The following CNKSR2 variants were observed in gnomAD, a reference collection of about 807,000 sequenced individuals.
The protein encoded by CNKSR2 is connector enhancer of kinase suppressor of Ras 2.
CNKSR2 carries 14 observed loss-of-function variants against 84.4 expected under a neutral mutation model. The observed-to-expected ratio is 0.17, with a 90% CI of 0.11 to 0.26. The LOEUF (loss-of-function observed/expected upper bound fraction) is 0.26, where lower values mean the gene tolerates loss of function less well. Ranked by LOEUF, CNKSR2 falls within the 10% of genes least tolerant of loss-of-function variation. CNKSR2 has a pLI of 1.00. For synonymous variants in CNKSR2, 275 were observed against 277.9 expected, an observed-to-expected ratio of 0.99 and a Z score of 0.10; for missense variants, 485 against 771.2, an observed-to-expected ratio of 0.63 and a Z score of 4.40.
intron 20 of CNKSR2, among the ~76,000 whole-genome samples, chrX:21,624,890 A>G (rs1230294881): frequency 1.8e-5 from 2 of 112,460 alleles, no homozygotes; most frequent in Non-Finnish European, 3.8e-5. Context: ...ACATATTTCT[A>G]TATTATCCCC....
rs1396689379 is a variant in CNKSR2 at position 21,432,764 on chromosome X, A to G, written c.381A>G (p.Ser127=). Residue 127 remains serine, a synonymous_variant, in exon 3 of 22, where the codon TCA becomes TCG. Coordinates refer to ENST00000379510, the MANE Select transcript of CNKSR2 (RefSeq NM_014927.5). ...AATTGCCAAACGACTTTCTGACCTC[A>G]GTTGTGGATCTGATTGGAGCAGCCA... ...SRKLPNDFLT[S]VVDLIGAAKS... 1 of 1,210,896 alleles carries G rather than the reference A, an allele frequency of 8.3e-7. No individual in the cohort carries two copies. Among genetic ancestry groups the G allele is most frequent in the Non-Finnish European group, 1.1e-6 (1 of 895,216 alleles).
chrX:21,607,006 G>C (rs2092521300), intron 19 of CNKSR2, 127 bp downstream of exon 19: 3 of 361,910 alleles, frequency 8.3e-6, no homozygotes, highest in Admixed American at 5.9e-5. Context: ...AAGAAAACTG[G>C]GAGTCTAAAA....
chrX:21,406,171 T>A (rs2090260471), intron 1 of CNKSR2, among the ~76,000 whole-genome samples: 1 of 111,536 alleles, frequency 9.0e-6, no homozygotes, highest in Non-Finnish European at 1.9e-5. Flanking sequence ...CTCATAGGAA[T>A]GCACACTGTG....
At chrX:21,559,934 C>A (rs1382369251) in intron 11 of CNKSR2, among the ~76,000 whole-genome samples, 1 of 111,464 alleles carries the variant, frequency 9.0e-6, no homozygotes, top group Non-Finnish European at 1.9e-5. Flanking sequence ...TATCAGTGTT[C>A]ACAATAAAAA....
chrX:21,470,256 G>A (rs2091181395), intron 4 of CNKSR2, among the ~76,000 whole-genome samples: 1 of 111,744 alleles, frequency 8.9e-6, no homozygotes, highest in Non-Finnish European at 1.9e-5. Context: ...ATTAGTAGAT[G>A]TATTAATTTT....
intron 20 of CNKSR2, among the ~76,000 whole-genome samples, chrX:21,622,392 T>C (rs16981614): frequency 0.15 from 16,727 of 110,567 alleles, 2,933 homozygotes; most frequent in African/African-American, 0.51. Context: ...TCTAAAGAAG[T>C]TCCTTGTAAC....
intron 4 of CNKSR2, chrX:21,441,310 C>A (rs181882450): frequency 9.0e-6 from 1 of 110,912 alleles, no homozygotes; most frequent in East Asian, 2.8e-4. Context: ...GTGATGATAT[C>A]TCTTTTCAGT....
At position 21,465,288 on chromosome X, in the gene CNKSR2, A is replaced by G. The variant is rs1380516333; in HGVS notation, c.520-5478A>G. On this transcript the variant is annotated intron_variant, in intron 4 of 21. Transcript: ENST00000379510. ...CCAAGGGTAATTTATCCCTCATTAC[A>G]TAATAGTATCTGGAACTGAATTGCA... Among the ~76,000 whole-genome samples, 8 of 111,866 alleles carry G rather than the reference A, an allele frequency of 7.2e-5. No homozygotes were observed. In the Admixed American group the frequency reaches 7.7e-4, roughly 11 times the overall value.
rs1287018159 is a variant in CNKSR2 at position 21,652,489 on chromosome X, C to T, written c.3073C>T (p.His1025Tyr). The T allele has an allele frequency of 1.7e-6, 2 of 1,207,578 alleles. No homozygotes were observed. The highest frequency in any genetic ancestry group is 2.2e-6 in the Non-Finnish European group (2 of 891,586). The part of the protein sequence containing the change: ...EVDVITSSLA[H>Y]THSYIETHV ...AGATGTAATCACTTCCTCTCTAGCA[C>T]ACACTCATTCATACATTGAAACGCA... Residue 1025 changes from histidine to tyrosine, a missense_variant, in exon 22 of 22, where the codon CAC becomes TAC. His to Tyr is a moderately conservative substitution (Grantham distance 83). This residue lies in a region of CNKSR2 where 210 missense variants were observed against 291.5 expected (regional missense o/e 0.72). Coordinates refer to ENST00000379510, the MANE Select transcript of CNKSR2 (RefSeq NM_014927.5).
intron 18 of CNKSR2, among the ~76,000 whole-genome samples, chrX:21,605,059 A>C (rs2092508275): frequency 8.9e-6 from 1 of 111,798 alleles, no homozygotes; most frequent in Non-Finnish European, 1.9e-5. Flanking sequence ...TTTAGTGCCC[A>C]CACACACACA....
intron 9 of CNKSR2, among the ~76,000 whole-genome samples, 160 bp from the exon 10 acceptor site, chrX:21,526,707 A>G (rs1277547716): frequency 9.0e-6 from 1 of 111,506 alleles, no homozygotes; most frequent in Non-Finnish European, 1.9e-5. Flanking sequence ...ATATCCATGT[A>G]CTAAATAACA....
intron 1 of CNKSR2, among the ~76,000 whole-genome samples, chrX:21,385,351 TAAAAC>T (rs1487146501): frequency 6.2e-5 from 7 of 112,250 alleles, no homozygotes; most frequent in Non-Finnish European, 1.1e-4. Flanking sequence ...GTGGTATACT[TAAAAC>T]AATGCCTTGT....
chrX:21,585,513 GA>G (rs1381682153), intron 13 of CNKSR2, among the ~76,000 whole-genome samples: 4 of 109,033 alleles, frequency 3.7e-5, no homozygotes. Context: ...ATAAGAGAAG[GA>G]AAAGAGTTAA....
intron 11 of CNKSR2, among the ~76,000 whole-genome samples, chrX:21,553,502 C>T (rs1171651914): frequency 1.9e-5 from 2 of 106,017 alleles, no homozygotes; most frequent in Non-Finnish European, 3.9e-5. Flanking sequence ...CATTAGGGTC[C>T]TACATTGTCA....
At chrX:21,509,682 T>A (rs1307891157) in intron 8 of CNKSR2, among the ~76,000 whole-genome samples, 2 of 111,832 alleles carry the variant, frequency 1.8e-5, no homozygotes, top group Non-Finnish European at 3.8e-5. Context: ...AATTAAGATA[T>A]CTCCAAATGT....
At chrX:21,519,469 G>A (rs144035675) in intron 9 of CNKSR2, among the ~76,000 whole-genome samples, 62 of 110,780 alleles carry the variant, frequency 5.6e-4, no homozygotes, top group African/African-American at 1.8e-3. Flanking sequence ...GATGTGAAAC[G>A]TAACTGCTAA....
chrX:21,515,238 T>G (rs772387978), intron 8 of CNKSR2, among the ~76,000 whole-genome samples: 1 of 111,676 alleles, frequency 9.0e-6, no homozygotes, highest in African/African-American at 3.2e-5. Flanking sequence ...GTCCCCATTC[T>G]ATAATAGCTG....
chrX:21,634,720 T>C (rs1011366470), intron 20 of CNKSR2, among the ~76,000 whole-genome samples: 3 of 107,581 alleles, frequency 2.8e-5, no homozygotes, highest in Non-Finnish European at 5.8e-5. Flanking sequence ...GAGCTAATGC[T>C]GAATGATATT....
At chrX:21,410,056 G>A (rs1294768709) in intron 1 of CNKSR2, among the ~76,000 whole-genome samples, 2 of 109,695 alleles carry the variant, frequency 1.8e-5, no homozygotes, top group African/African-American at 3.3e-5. Context: ...GTGTGTGTGT[G>A]TGTGTGTGTA....
Sources: allele counts gnomAD v4.1 joint callset (sites outside exome capture counted in the v4.1 genomes callset), GRCh38; gene constraint gnomAD v4.1.1; regional missense constraint gnomAD v4.1.1; transcripts MANE v1.5; gene names NCBI Gene and HGNC (gene_info 2026-07-23, HGNC 2026-07-21).